Variants in GNB1L observed in about 807,000 individuals in gnomAD.
GNB1L encodes guanine nucleotide-binding protein subunit beta-like protein 1.
A neutral mutation model predicts 29.1 loss-of-function variants in GNB1L; 20 were observed. The ratio of observed to expected loss-of-function variants is 0.69; its 90% CI spans 0.48 to 1.00. GNB1L has a LOEUF of 1.00. Ranked by LOEUF, GNB1L falls within the 50% of genes least tolerant of loss-of-function variation. The pLI is 0.00. For synonymous variants in GNB1L, 193 were observed against 206.5 expected, an observed-to-expected ratio of 0.93 and a Z score of 0.56; for missense variants, 421 against 464.9, an observed-to-expected ratio of 0.91 and a Z score of 0.87.
intron 5 of GNB1L, among the ~76,000 whole-genome samples, chr22:19,809,979 G>C (rs1046302811): frequency 6.6e-6 from 1 of 152,204 alleles, no homozygotes; most frequent in Admixed American, 6.5e-5. Context: ...TGTTGCCCAG[G>C]CTGGTCTCGA....
chr22:19,848,924 T>G (rs1202145310), intron 2 of GNB1L: 1 of 985,006 alleles, frequency 1.0e-6, no homozygotes, highest in African/African-American at 1.7e-5. Flanking sequence ...AGGCTGTCCA[T>G]CCTAGAGAGC....
intron 5 of GNB1L, among the ~76,000 whole-genome samples, chr22:19,807,145 C>T (rs1326075110): frequency 6.6e-6 from 1 of 152,172 alleles, no homozygotes; most frequent in African/African-American, 2.4e-5. Flanking sequence ...GGATTTGCCA[C>T]CCACTTGAGA....
At chr22:19,832,615 G>T (rs1039027538) in intron 2 of GNB1L, among the ~76,000 whole-genome samples, 48 of 152,292 alleles carry the variant, frequency 3.2e-4, no homozygotes, top group Middle Eastern at 3.4e-3. Context: ...AACCCTGAAG[G>T]TTTACTGTCC....
intron 7 of GNB1L, among the ~76,000 whole-genome samples, chr22:19,795,049 C>T (rs1937291407): frequency 1.3e-5 from 2 of 152,028 alleles, no homozygotes; most frequent in Admixed American, 6.6e-5. Flanking sequence ...GAGGTCAGGA[C>T]AGGTTGAAAG....
intron 7 of GNB1L, among the ~76,000 whole-genome samples, chr22:19,793,585 A>G (rs983271077): frequency 6.6e-6 from 1 of 152,194 alleles, no homozygotes; most frequent in Non-Finnish European, 1.5e-5. Context: ...AGCAGAACCC[A>G]ATCAGGACAA....
intron 4 of GNB1L, 37 bp downstream of exon 4, chr22:19,820,561 G>A (rs779414365): frequency 1.3e-5 from 21 of 1,592,286 alleles, no homozygotes; most frequent in Admixed American, 3.4e-5. Flanking sequence ...TGACTCCCCC[G>A]AAGGCCATAC....
chr22:19,851,769 G>C, intron 2 of GNB1L: 2 of 1,612,750 alleles, frequency 1.2e-6, no homozygotes, highest in Non-Finnish European at 1.7e-6. Flanking sequence ...TAATCGTCAG[G>C]CAGGGGCAGG....
chr22:19,823,923 C>T (rs1358875659), intron 2 of GNB1L, among the ~76,000 whole-genome samples: 1 of 152,250 alleles, frequency 6.6e-6, no homozygotes, highest in Admixed American at 6.5e-5. Context: ...GAGAAGCACA[C>T]ACACAGACAG....
At chr22:19,819,269 G>A (rs1937559192) in intron 4 of GNB1L, among the ~76,000 whole-genome samples, 1 of 152,256 alleles carries the variant, frequency 6.6e-6, no homozygotes, top group Non-Finnish European at 1.5e-5. Context: ...AGCGTGTGAA[G>A]CAGGGCCCTG....
intron 5 of GNB1L, among the ~76,000 whole-genome samples, chr22:19,810,098 C>T (rs1001106994): frequency 2.0e-5 from 3 of 152,148 alleles, no homozygotes; most frequent in Admixed American, 6.5e-5. Flanking sequence ...TTCTTCTTGT[C>T]GCTATATCAG....
chr22:19,827,075 T>C (rs1937625161), intron 2 of GNB1L, among the ~76,000 whole-genome samples: 1 of 152,272 alleles, frequency 6.6e-6, no homozygotes, highest in South Asian at 2.1e-4. Flanking sequence ...AAAAGGGGGC[T>C]ATAAGGGACA....
intron 2 of GNB1L, chr22:19,851,519 G>C (rs1938098031): frequency 1.2e-6 from 2 of 1,614,022 alleles, no homozygotes; most frequent in Admixed American, 1.7e-5. Flanking sequence ...TCTAGATACA[G>C]AGTTGGACCC....
intron 2 of GNB1L, among the ~76,000 whole-genome samples, chr22:19,832,926 G>A (rs192254615): frequency 5.2e-4 from 79 of 152,330 alleles, no homozygotes; most frequent in African/African-American, 1.8e-3. Flanking sequence ...CTGGGTGGCT[G>A]ATGTGCGAGA....
chr22:19,834,618 T>G (rs570504369), intron 2 of GNB1L, among the ~76,000 whole-genome samples: 5 of 151,900 alleles, frequency 3.3e-5, no homozygotes, highest in Non-Finnish European at 5.9e-5. Flanking sequence ...AATGGAAAAA[T>G]ATTAACTCTA....
In GNB1L at chr22:19,787,011, G is replaced by A. The variant is rs1382216209; in HGVS notation, c.*1698C>T. ...CCAGGTGGTCTCCAAGCTTGGGCCA[G>A]GGGCCGCTTTCCCGGCCAGCACTGA... is the stretch of plus-strand genomic sequence containing the variant. On this transcript the variant is annotated 3_prime_UTR_variant, in exon 8 of 8. Coordinates refer to ENST00000329517, the MANE Select transcript of GNB1L (RefSeq NM_053004.3). The A allele has an allele frequency of 1.3e-5, 2 of 152,326 alleles. No homozygotes were observed. Among genetic ancestry groups the A allele is most frequent in the African/African-American group, 4.8e-5 (2 of 41,468 alleles). The allele number at this position is 152,326 out of a possible 1,614,324, so 9.4% of individuals were successfully genotyped here. A position where few individuals can be genotyped will look rare whatever the true frequency, so the allele number is the denominator to read the frequency against.
At chr22:19,850,898 C>A in intron 2 of GNB1L, 2 of 1,360,594 alleles carry the variant, frequency 1.5e-6, no homozygotes, top group Non-Finnish European at 1.9e-6. Flanking sequence ...TGGGAGCAGG[C>A]CTGGGTGAGA....
At chr22:19,850,426 C>A in intron 2 of GNB1L, 1 of 993,186 alleles carries the variant, frequency 1.0e-6, no homozygotes, top group South Asian at 4.7e-5. Flanking sequence ...AGCACAGCAG[C>A]AGGGAAGAGG....
chr22:19,846,866 G>A (rs1454808891), intron 2 of GNB1L: 1 of 930,130 alleles, frequency 1.1e-6, no homozygotes, highest in Non-Finnish European at 1.3e-6. Flanking sequence ...AATGTCTGTT[G>A]TTTAAGTCCC....
At chr22:19,844,391 C>T (rs1324424867) in intron 2 of GNB1L, among the ~76,000 whole-genome samples, 1 of 152,236 alleles carries the variant, frequency 6.6e-6, no homozygotes, top group Admixed American at 6.5e-5. Flanking sequence ...GGGAGTGGGT[C>T]TCATGGAGAC....
Sources: allele counts gnomAD v4.1 joint callset (sites outside exome capture counted in the v4.1 genomes callset), GRCh38; gene constraint gnomAD v4.1.1; transcripts MANE v1.5; gene names NCBI Gene and HGNC (gene_info 2026-07-23, HGNC 2026-07-21).